KSR2: variants seen among roughly 807,000 people sequenced by gnomAD.
KSR2 encodes kinase suppressor of ras 2.
KSR2 carries 25 observed loss-of-function variants against 107.8 expected under a neutral mutation model. That is an observed-to-expected ratio of 0.23 (90% CI 0.17 to 0.32). The LOEUF is 0.32. Ranked by LOEUF, KSR2 falls within the 10% of genes least tolerant of loss-of-function variation. The pLI is 1.00. For missense variants in KSR2, 887 were observed against 1,268.9 expected (o/e 0.70, Z 4.57); for synonymous variants, 480 against 507.0 (o/e 0.95, Z 0.71).
chr12:117,656,981 G>GAGATATATATATAATAGGATATAT lies in KSR2; in HGVS notation c.1171+10492_1171+10493insATATATCCTATTATATATATATCT, dbSNP rs1254292550. ...ATAATAGGATATATATATATAATAGGATATATATATATATATATATATATA... is the reference window on the plus strand; with the variant it reads ...ATAATAGGATATATATATATAATAGGAGATATATATATAATAGGATATATATATATATATATATATATATATATA... On this transcript the variant is annotated intron_variant, in intron 5 of 19. Coordinates refer to ENST00000339824, the MANE Select transcript of KSR2 (RefSeq NM_173598.6). Among the ~76,000 whole-genome samples, 100 of 98,160 alleles carry GAGATATATATATAATAGGATATAT rather than the reference G, an allele frequency of 1.0e-3. No homozygotes were observed. In the East Asian group the frequency reaches 0.014, roughly 14 times the overall value. The allele number at this position is 98,160 out of a possible 152,430, so 64.4% of individuals were successfully genotyped here.
At position 117,585,711 on chromosome 12, in the gene KSR2, A is replaced by C. The variant is rs1243649508; in HGVS notation, c.1172-3352T>G. ...AGGCAAACGACATTTACAGCAATTA[A>C]ACCGATACAGAAACTTCTGCTTAAC... On this transcript the variant is annotated intron_variant, in intron 5 of 19. Transcript: ENST00000339824. Among the ~76,000 whole-genome samples, 3 of 152,346 alleles carry C rather than the reference A, an allele frequency of 2.0e-5. No homozygotes were observed. The East Asian group carries it at 5.8e-4, about 29-fold the overall frequency.
intron 1 of KSR2, among the ~76,000 whole-genome samples, chr12:117,952,469 C>A (rs889485052): frequency 6.7e-6 from 1 of 149,268 alleles, no homozygotes; most frequent in African/African-American, 2.5e-5. Context: ...GCCAACATAG[C>A]AAAACCCCGT....
chr12:117,774,119 T>G (rs1889602487), intron 3 of KSR2, among the ~76,000 whole-genome samples: 2 of 152,122 alleles, frequency 1.3e-5, no homozygotes, highest in South Asian at 4.1e-4. Context: ...GAGAGACCCG[T>G]CCAGAAAGCC....
chr12:117,826,048 T>C (rs1593274407), intron 3 of KSR2, among the ~76,000 whole-genome samples: 1 of 151,540 alleles, frequency 6.6e-6, no homozygotes, highest in South Asian at 2.1e-4. Context: ...GATGGATGAA[T>C]GGATGGATAA....
rs1894561973 is a variant in KSR2 at position 117,897,877 on chromosome 12, T to C, written c.181-37446A>G. 6.6e-6 allele frequency among the ~76,000 whole-genome samples: 1 copy of C among 152,172 alleles called. No individual in the cohort carries two copies. On this transcript the variant is annotated intron_variant, in intron 1 of 19. Coordinates refer to ENST00000339824, the MANE Select transcript of KSR2 (RefSeq NM_173598.6). This position sits in a 1 kb window ranked among gnomAD's most constrained non-coding sequence, Gnocchi z 4.5. ...AGAAGTTTTAGTTGGCTTGAGAATA[T>C]AGCCACCCACGCGAAATGGTTGGCA...
intron 14 of KSR2, among the ~76,000 whole-genome samples, chr12:117,499,685 G>C (rs1393329884): frequency 2.6e-5 from 4 of 152,336 alleles, no homozygotes; most frequent in African/African-American, 7.2e-5. Flanking sequence ...ACAAATGCTT[G>C]GTGATTACAG....
chr12:117,721,545 CAG>C (rs754449574), intron 4 of KSR2, among the ~76,000 whole-genome samples: 3 of 152,166 alleles, frequency 2.0e-5, no homozygotes, highest in Admixed American at 6.5e-5. Flanking sequence ...ACCTGTGAGT[CAG>C]AGCTGAGATC....
intron 14 of KSR2, among the ~76,000 whole-genome samples, chr12:117,493,443 G>A (rs916989461): frequency 8.6e-5 from 13 of 152,026 alleles, no homozygotes; most frequent in Non-Finnish European, 7.4e-5. Context: ...TGTCATTCAC[G>A]GAGTTCCAAT....
At chr12:117,866,038 C>CTTTTTTT (rs397838492) in intron 1 of KSR2, among the ~76,000 whole-genome samples, 2,928 of 123,992 alleles carry the variant, frequency 0.024, 95 homozygotes, top group African/African-American at 0.053. Flanking sequence ...TAATCTCTCT[C>CTTTTTTT]TTTTTTTTTT....
intron 1 of KSR2, among the ~76,000 whole-genome samples, chr12:117,948,704 C>A (rs114573798): frequency 6.6e-6 from 1 of 152,086 alleles, no homozygotes; most frequent in Non-Finnish European, 1.5e-5. Flanking sequence ...CATTTAAATG[C>A]ACACACACAA....
chr12:117,885,401 C>T (rs898854490), intron 1 of KSR2, among the ~76,000 whole-genome samples: 7 of 152,052 alleles, frequency 4.6e-5, no homozygotes, highest in African/African-American at 1.7e-4. Flanking sequence ...AGAGGCTAGG[C>T]AGTTTACCCA....
intron 14 of KSR2, among the ~76,000 whole-genome samples, chr12:117,499,944 C>T (rs543273440): frequency 5.3e-5 from 8 of 152,202 alleles, no homozygotes; most frequent in African/African-American, 1.9e-4. Flanking sequence ...GGCAGTCAGC[C>T]GGGGTGGAGT....
intron 3 of KSR2, among the ~76,000 whole-genome samples, chr12:117,777,175 C>CTATATATA (rs56862811): frequency 0.038 from 5,144 of 136,710 alleles, 357 homozygotes; most frequent in East Asian, 0.19. Context: ...CATATATACA[C>CTATATATA]TATATATATA....
rs185033223 is a variant in KSR2 at position 117,622,859 on chromosome 12, A to G, written c.1172-40500T>C. 2.5e-3 allele frequency among the ~76,000 whole-genome samples: 377 copies of G among 152,372 alleles called. 1 individual carries two copies. Among genetic ancestry groups the G allele is most frequent in the Non-Finnish European group, 2.8e-3 (190 of 68,032 alleles). ...ATATATGGTGCTGAATGCAAGAAAT[A>G]TAAGAAGAAAGCATGAATACTGCCC... On this transcript the variant is annotated intron_variant, in intron 5 of 19. Transcript: ENST00000339824.
intron 3 of KSR2, among the ~76,000 whole-genome samples, chr12:117,852,420 C>T (rs1017846751): frequency 3.3e-5 from 5 of 151,970 alleles, no homozygotes; most frequent in Non-Finnish European, 5.9e-5. Context: ...AAGAGTAAGA[C>T]TCTGTCTCAA....
intron 14 of KSR2, among the ~76,000 whole-genome samples, chr12:117,519,913 T>C (rs1171556356): frequency 6.6e-6 from 1 of 152,138 alleles, no homozygotes. Flanking sequence ...AATAGGCCAG[T>C]GGTTCTTAAA....
rs569875902 is a variant in KSR2, at chr12:117,521,796, C to T, written c.2219+3056G>A. ...AGTTGGTTGGCTATTGTCCAACCAT[C>T]AACCTCTGCCAGCCAATCGTGCGAA... is the stretch of plus-strand genomic sequence containing the variant. On this transcript the variant is annotated intron_variant, in intron 14 of 19. Coordinates refer to ENST00000339824, the MANE Select transcript of KSR2 (RefSeq NM_173598.6). 2.3e-4 allele frequency among the ~76,000 whole-genome samples: 35 copies of T among 152,288 alleles called. 1 individual carries two copies. In the South Asian group the frequency reaches 6.2e-3, roughly 27 times the overall value.
chr12:117,941,132 A>T (rs773127643), intron 1 of KSR2, among the ~76,000 whole-genome samples: 12 of 152,136 alleles, frequency 7.9e-5, no homozygotes, highest in Non-Finnish European at 1.5e-4. Flanking sequence ...GGTTATATTG[A>T]AAAATGGAAA....
At chr12:117,577,483 AC>A (rs1879356556) in intron 7 of KSR2, among the ~76,000 whole-genome samples, 1 of 152,140 alleles carries the variant, frequency 6.6e-6, no homozygotes, top group Non-Finnish European at 1.5e-5. Flanking sequence ...GCTCACTGCC[AC>A]CCAAGGCAGG....
Sources: allele counts gnomAD v4.1 joint callset (sites outside exome capture counted in the v4.1 genomes callset), GRCh38; gene constraint gnomAD v4.1.1; non-coding constraint Gnocchi (gnomAD v3.1); transcripts MANE v1.5; gene names NCBI Gene and HGNC (gene_info 2026-07-23, HGNC 2026-07-21).